The following TENM3 variants were observed in gnomAD, a reference collection of about 807,000 sequenced individuals.
The protein encoded by TENM3 is teneurin transmembrane protein 3, also known as teneurin-3.
A neutral mutation model predicts 255.1 loss-of-function variants in TENM3; 63 were observed. The observed-to-expected ratio is 0.25, with a 90% CI of 0.20 to 0.30. The LOEUF (loss-of-function observed/expected upper bound fraction) is 0.30. TENM3 is among the 10% of genes least tolerant of loss of function. The probability of loss-of-function intolerance (pLI) is 1.00; values close to 1 mark genes in which losing one functional copy is unlikely to be tolerated. For synonymous variants in TENM3, 1,306 were observed against 1,322.3 expected (o/e 0.99, Z 0.27); for missense variants, 2,929 against 3,461.1 (o/e 0.85, Z 3.86).
chr4:181,844,148 C>T, the TENM3 span, among the ~76,000 whole-genome samples: 3 of 151,982 alleles, frequency 2.0e-5, no homozygotes, highest in Admixed American at 6.5e-5. Context: ...GGTAACTAAC[C>T]GACTCCTGAG....
the TENM3 span, among the ~76,000 whole-genome samples, chr4:181,584,680 C>T: frequency 6.6e-6 from 1 of 152,112 alleles, no homozygotes; most frequent in Non-Finnish European, 1.5e-5. Flanking sequence ...AAACTTTCAT[C>T]CAAATTTCTG....
chr4:182,031,936 C>T, the TENM3 span, among the ~76,000 whole-genome samples: 5,942 of 152,246 alleles, frequency 0.039, 381 homozygotes, highest in African/African-American at 0.13. Flanking sequence ...TGCTTATTAG[C>T]TTAAGAAGCT....
chr4:182,755,680 A>G (rs1162098153), intron 22 of TENM3, among the ~76,000 whole-genome samples: 1 of 152,166 alleles, frequency 6.6e-6, no homozygotes, highest in Non-Finnish European at 1.5e-5. Flanking sequence ...TCTACTAAAA[A>G]TACAAAAAAA....
At chr4:181,881,017 T>G in the TENM3 span, among the ~76,000 whole-genome samples, 5 of 152,190 alleles carry the variant, frequency 3.3e-5, no homozygotes, top group African/African-American at 4.8e-5. Flanking sequence ...GTAATGAGAA[T>G]AACTCATTGA....
intron 1 of TENM3, among the ~76,000 whole-genome samples, chr4:182,311,904 T>C (rs1397917465): frequency 6.6e-6 from 1 of 152,196 alleles, no homozygotes; most frequent in Non-Finnish European, 1.5e-5. Context: ...CTGTAGTTGT[T>C]TTGAAGTCAT....
At chr4:182,783,615 T>G (rs1765364948) in intron 24 of TENM3, among the ~76,000 whole-genome samples, 1 of 147,392 alleles carries the variant, frequency 6.8e-6, no homozygotes, top group Non-Finnish European at 1.5e-5. Flanking sequence ...CTTGCTAGAT[T>G]GGGGAAGTTC....
At chr4:182,317,555 G>C (rs1762821616) in intron 1 of TENM3, among the ~76,000 whole-genome samples, 1 of 152,016 alleles carries the variant, frequency 6.6e-6, no homozygotes, top group Non-Finnish European at 1.5e-5. Flanking sequence ...CAATGTTCCT[G>C]CTTTGGCCTC....
the TENM3 span, among the ~76,000 whole-genome samples, chr4:181,623,143 T>A: frequency 6.6e-6 from 1 of 152,116 alleles, no homozygotes; most frequent in Non-Finnish European, 1.5e-5. Flanking sequence ...TGACAAAAAA[T>A]TCAGGATCAG....
At chr4:182,511,887 T>C (rs928432328) in intron 3 of TENM3, among the ~76,000 whole-genome samples, 1 of 152,290 alleles carries the variant, frequency 6.6e-6, no homozygotes, top group African/African-American at 2.4e-5. Context: ...ATGTATTATA[T>C]CATTAAATCT....
At chr4:181,758,376 A>T in the TENM3 span, among the ~76,000 whole-genome samples, 65 of 152,314 alleles carry the variant, frequency 4.3e-4, no homozygotes, top group African/African-American at 1.5e-3. Flanking sequence ...CTTTTTAAAC[A>T]TATTTTATTT....
intron 1 of TENM3, among the ~76,000 whole-genome samples, chr4:182,200,824 G>GA (rs1354519076): frequency 2.0e-5 from 2 of 101,270 alleles, no homozygotes; most frequent in African/African-American, 7.0e-5. Context: ...AAACTAGAGT[G>GA]CCTTTTTTTT....
At chr4:182,632,829 T>C (rs988515263) in intron 5 of TENM3, among the ~76,000 whole-genome samples, 3 of 152,096 alleles carry the variant, frequency 2.0e-5, no homozygotes, top group African/African-American at 7.2e-5. Context: ...ATTTGGTATA[T>C]TTTTATTTTT....
At chr4:181,507,621 A>G in the TENM3 span, among the ~76,000 whole-genome samples, 10 of 152,304 alleles carry the variant, frequency 6.6e-5, no homozygotes, top group South Asian at 2.1e-3. Flanking sequence ...CCTGACACAC[A>G]CGCATGCATT....
the TENM3 span, among the ~76,000 whole-genome samples, chr4:181,577,173 ATAT>A: frequency 1.5e-5 from 2 of 131,908 alleles, no homozygotes; most frequent in East Asian, 4.1e-4. Context: ...AATATATATT[ATAT>A]TATATTATAT....
chr4:181,867,804 G>A, the TENM3 span, among the ~76,000 whole-genome samples: 6 of 152,126 alleles, frequency 3.9e-5, no homozygotes, highest in South Asian at 4.1e-4. Flanking sequence ...GCAAACTGCC[G>A]CAAAATTGAG....
At chr4:182,208,220 A>G (rs562557081) in intron 1 of TENM3, among the ~76,000 whole-genome samples, 1 of 152,370 alleles carries the variant, frequency 6.6e-6, no homozygotes, top group Admixed American at 6.5e-5. Context: ...TCAAAATAAT[A>G]AAAAGCACTG....
intron 1 of TENM3, among the ~76,000 whole-genome samples, chr4:182,266,760 C>T (rs572747550): frequency 3.3e-5 from 5 of 152,020 alleles, no homozygotes; most frequent in African/African-American, 7.2e-5. Context: ...GCATATGTTC[C>T]GAAGTTATGG....
chr4:182,381,417 T>C (rs1385051561), intron 3 of TENM3, among the ~76,000 whole-genome samples: 5 of 152,102 alleles, frequency 3.3e-5, no homozygotes, highest in Non-Finnish European at 7.4e-5. Flanking sequence ...TCAGTAATCA[T>C]TAAAGAAAAA....
chr4:181,757,364 T>C, the TENM3 span, among the ~76,000 whole-genome samples: 1 of 152,182 alleles, frequency 6.6e-6, no homozygotes, highest in Admixed American at 6.5e-5. Flanking sequence ...AGGGTCTGTA[T>C]CATATGCAGA....
Sources: gnomAD v4.1 joint callset for allele counts (sites outside exome capture counted in the v4.1 genomes callset) on GRCh38, gnomAD v4.1.1 for gene constraint, MANE v1.5 for transcripts, NCBI Gene and HGNC (gene_info 2026-07-23, HGNC 2026-07-21) for gene names.